MACF1: variants seen among roughly 807,000 people sequenced by gnomAD.
MACF1 encodes the protein microtubule-actin cross-linking factor 1.
A neutral mutation model predicts 854.8 loss-of-function variants in MACF1; 193 were observed. That is an observed-to-expected ratio of 0.23 (90% CI 0.20 to 0.25). The LOEUF (loss-of-function observed/expected upper bound fraction) is 0.25, where lower values mean the gene tolerates loss of function less well. Among genes scored for constraint, MACF1 ranks in the 10% least tolerant of loss-of-function variants. The pLI is 1.00. For synonymous variants in MACF1, 3,185 were observed against 3,226.7 expected (o/e 0.99, Z 0.44); for missense variants, 7,722 against 8,929.1 (o/e 0.86, Z 5.45).
chr1:39,193,209 T>C (rs766323186), intron 2 of MACF1, among the ~76,000 whole-genome samples: 5 of 152,214 alleles, frequency 3.3e-5, no homozygotes, highest in Middle Eastern at 6.8e-3. Flanking sequence ...TTTCTTCGTA[T>C]CATTTTTTTC....
chr1:39,354,733 C>T (rs530188101), intron 44 of MACF1, among the ~76,000 whole-genome samples: 28 of 152,236 alleles, frequency 1.8e-4, no homozygotes, highest in African/African-American at 5.8e-4. Context: ...ATTTCTCATT[C>T]GATATTGTTT....
intron 2 of MACF1, among the ~76,000 whole-genome samples, chr1:39,236,557 A>G (rs1420109873): frequency 6.6e-6 from 1 of 152,220 alleles, no homozygotes; most frequent in Non-Finnish European, 1.5e-5. Context: ...TACATGGTGT[A>G]TCTTTCAGCT....
intron 2 of MACF1, among the ~76,000 whole-genome samples, chr1:39,243,466 A>T (rs1228315772): frequency 6.6e-6 from 1 of 152,146 alleles, no homozygotes; most frequent in Non-Finnish European, 1.5e-5. Context: ...CAGTGGTGTG[A>T]TAATAGCTCC....
chr1:39,248,873 C>A (rs1645010520), intron 2 of MACF1, among the ~76,000 whole-genome samples: 1 of 151,952 alleles, frequency 6.6e-6, no homozygotes, highest in Non-Finnish European at 1.5e-5. Context: ...GGACCATAAG[C>A]ATATACCACC....
chr1:39,394,101 T>G (rs1557628662), intron 58 of MACF1, among the ~76,000 whole-genome samples: 1 of 152,158 alleles, frequency 6.6e-6, no homozygotes, highest in Non-Finnish European at 1.5e-5. Context: ...AGCATCAGGC[T>G]TCCTTAGGAT....
At chr1:39,146,683 G>A (rs1301834808) in intron 2 of MACF1, among the ~76,000 whole-genome samples, 1 of 151,896 alleles carries the variant, frequency 6.6e-6, no homozygotes, top group East Asian at 1.9e-4. Flanking sequence ...GTAGAAAGAT[G>A]GTTACCAGAA....
Position 39,361,626 on chromosome 1 carries a change from C to T in MACF1, c.12720C>T (p.Ala4240=). The change falls in exon 49 of 101, where the codon GCC becomes GCT. Residue 4240 remains alanine, a synonymous_variant. Transcript: ENST00000564288. ...TGGAAAACAAAAGTCGGATGCTGGC[C>T]TCTGGAAATCAGCCAGATCAAGATA... ...QFMENKSRML[A]SGNQPDQDIT... is the part of the protein sequence containing the mutation. The T allele has an allele frequency of 3.1e-6, 5 of 1,614,198 alleles. No individual in the cohort carries two copies. The highest frequency in any genetic ancestry group is 4.2e-6 in the Non-Finnish European group (5 of 1,180,036).
intron 63 of MACF1, among the ~76,000 whole-genome samples, chr1:39,428,529 G>A (rs1320863004): frequency 1.3e-5 from 2 of 151,980 alleles, no homozygotes; most frequent in Non-Finnish European, 2.9e-5. Context: ...ATATAGTCAG[G>A]GGCCATCTGA....
At chr1:39,087,472 G>A (rs956008372) in intron 2 of MACF1, among the ~76,000 whole-genome samples, 7 of 151,962 alleles carry the variant, frequency 4.6e-5, no homozygotes, top group Non-Finnish European at 8.8e-5. Flanking sequence ...ACAGGTTTTA[G>A]GGTGCTGAAC....
chr1:39,421,701 A>G (rs1643543032), intron 58 of MACF1, among the ~76,000 whole-genome samples: 2 of 152,230 alleles, frequency 1.3e-5, no homozygotes, highest in Non-Finnish European at 2.9e-5. Flanking sequence ...CTTCTCTTTT[A>G]GGATTCATAT....
chr1:39,403,078 GTTGTT>G (rs57125297), intron 58 of MACF1, among the ~76,000 whole-genome samples: 20,756 of 145,646 alleles, frequency 0.14, 1,504 homozygotes, highest in Admixed American at 0.19. Flanking sequence ...TTTTTGTTTG[GTTGTT>G]TTGTTTTGTT....
chr1:39,250,205 A>G (rs1354433496), intron 3 of MACF1, 102 bp downstream of exon 3: 10 of 657,646 alleles, frequency 1.5e-5, no homozygotes, highest in Non-Finnish European at 2.4e-5. Context: ...TGTTTCATCT[A>G]TTAGAGGGGA....
Position 39,324,722 on chromosome 1 carries a change from A to C in MACF1, c.4466A>C (p.Lys1489Thr). 1 of 1,613,410 alleles carries C rather than the reference A, an allele frequency of 6.2e-7. No individual in the cohort carries two copies. The highest frequency in any genetic ancestry group is 1.1e-5 in the South Asian group (1 of 91,044). ...AIKTSQIFLA[K>T]HGHKLSEKEK... ...AAAACATCACAGATCTTCTTGGCCA[A>C]GCATGGTCATAAGTGAGTATTAAAT... Residue 1489 changes from lysine to threonine, a missense_variant, in exon 35 of 101, where the codon AAG becomes ACG. Lys to Thr is a moderately conservative substitution (Grantham distance 78). Coordinates refer to ENST00000564288, the MANE Select transcript of MACF1 (RefSeq NM_001394062.1).
chr1:39,315,252 A>G (rs1646389287), intron 26 of MACF1, among the ~76,000 whole-genome samples: 1 of 152,208 alleles, frequency 6.6e-6, no homozygotes. Context: ...ACAAAATATA[A>G]CATGCTATAG....
chr1:39,433,222 G>A lies in MACF1; in HGVS notation c.17565+67G>A, dbSNP rs1275223579. 4 of 970,404 alleles carry A rather than the reference G, an allele frequency of 4.1e-6. No homozygotes were observed. The African/African-American group carries it at 4.9e-5, about 12-fold the overall frequency. The allele number at this position is 970,404 out of a possible 1,614,324, so 60.1% of individuals were successfully genotyped here. On this transcript the variant is annotated intron_variant, in intron 68 of 100. Coordinates refer to ENST00000564288, the MANE Select transcript of MACF1 (RefSeq NM_001394062.1). The stretch of plus-strand genomic sequence containing the variant: ...ATCATGGTGAATTAGAAGCACAATT[G>A]TGAAATGATGGTTTAAGGCTTTTTC...
intron 94 of MACF1, chr1:39,463,992 G>C (rs1003886194): frequency 3.9e-6 from 1 of 257,946 alleles, no homozygotes; most frequent in Non-Finnish European, 7.8e-6. Context: ...TATATCTATT[G>C]ACTGACCACT....
intron 6 of MACF1, among the ~76,000 whole-genome samples, chr1:39,265,068 C>T (rs1440976835): frequency 6.6e-6 from 1 of 152,170 alleles, no homozygotes; most frequent in Non-Finnish European, 1.5e-5. Flanking sequence ...TCTTTATAGG[C>T]AGAATCTGAC....
At position 39,397,335 on chromosome 1, in the gene MACF1, G is replaced by A. The variant is rs139358954; in HGVS notation, c.15816+8677G>A. ...TCAGCACTTTGGGAGGCCGAGGTGG[G>A]TGGATCACCTGAGGTCAGAAGTTCA... On this transcript the variant is annotated intron_variant, in intron 58 of 100. Coordinates refer to ENST00000564288, the MANE Select transcript of MACF1 (RefSeq NM_001394062.1). 7.8e-3 allele frequency among the ~76,000 whole-genome samples: 1,195 copies of A among 152,274 alleles called. 31 individuals are homozygous for A. Among genetic ancestry groups the A allele is most frequent in the Admixed American group, 0.043 (661 of 15,296 alleles).
At chr1:39,124,594 C>T (rs1441387959) in intron 2 of MACF1, among the ~76,000 whole-genome samples, 2 of 152,146 alleles carry the variant, frequency 1.3e-5, no homozygotes, top group Non-Finnish European at 2.9e-5. Context: ...TCCTCTTTTT[C>T]TCTTTATCTC....
Sources: gnomAD v4.1 joint callset for allele counts (sites outside exome capture counted in the v4.1 genomes callset) on GRCh38, gnomAD v4.1.1 for gene constraint, MANE v1.5 for transcripts, NCBI Gene and HGNC (gene_info 2026-07-23, HGNC 2026-07-21) for gene names.